Variants in MIA3 observed in about 807,000 individuals in gnomAD.
MIA3 encodes transport and Golgi organization protein 1 homolog.
In MIA3, 90 loss-of-function variants were observed where a neutral mutation model predicts 192.4. The observed-to-expected ratio is 0.47, with a 90% CI of 0.39 to 0.56. MIA3 has a LOEUF of 0.56. Ranked by LOEUF, MIA3 falls within the 20% of genes least tolerant of loss-of-function variation. MIA3 has a pLI of 0.00. For missense variants in MIA3, 2,123 were observed against 2,269.4 expected, an observed-to-expected ratio of 0.94 and a Z score of 1.31; for synonymous variants, 740 against 792.8, an observed-to-expected ratio of 0.93 and a Z score of 1.12.
intron 3 of MIA3, among the ~76,000 whole-genome samples, chr1:222,627,033 T>C (rs1662150602): frequency 6.6e-6 from 1 of 152,192 alleles, no homozygotes; most frequent in South Asian, 2.1e-4. Context: ...ACCTTACTTT[T>C]CCCCACCTGT....
At chr1:222,625,678 C>T (rs1662082893) in intron 3 of MIA3, among the ~76,000 whole-genome samples, 2 of 152,184 alleles carry the variant, frequency 1.3e-5, no homozygotes, top group South Asian at 2.1e-4. Context: ...GAGCATTTAT[C>T]TATAGTGCAC....
At chr1:222,665,238 T>C (rs1182628227) in intron 27 of MIA3, 71 bp from the exon 28 acceptor site, 2 of 946,858 alleles carry the variant, frequency 2.1e-6, no homozygotes, top group East Asian at 2.5e-5. Flanking sequence ...CAGACTATAT[T>C]AACATACCTG....
At chr1:222,649,878 C>CT (rs112877832) in intron 8 of MIA3, 2,156 of 197,724 alleles carry the variant, frequency 0.011, 59 homozygotes, top group African/African-American at 0.048. Context: ...CCTCAGGGAG[C>CT]TTTTACTCAC....
In MIA3 at chr1:222,650,820, C is replaced by A; in HGVS notation, c.3826C>A (p.Gln1276Lys). 6.2e-7 allele frequency: 1 copy of A among 1,609,114 alleles called. No individual in the cohort carries two copies. The highest frequency in any genetic ancestry group is 1.1e-5 in the South Asian group (1 of 90,064). ...KDKIKTLEKN[Q>K]EILDDTAKNL... Reference sequence around the variant, plus strand: ...TAAAATCAAGACACTTGAAAAAAATCAGGAAATTCTGGATGACACAGCTAA... The same window carrying A: ...TAAAATCAAGACACTTGAAAAAAATAAGGAAATTCTGGATGACACAGCTAA... Residue 1276 changes from glutamine to lysine, a missense_variant, in exon 11 of 28, where the codon CAG becomes AAG. This residue lies in a region of MIA3 where 762 missense variants were observed against 856.4 expected (regional missense o/e 0.89). Transcript: ENST00000344922.
chr1:222,664,493 T>TA (rs1356007715), intron 27 of MIA3, among the ~76,000 whole-genome samples: 2 of 152,128 alleles, frequency 1.3e-5, no homozygotes, highest in Non-Finnish European at 2.9e-5. Context: ...AGGTCACAAA[T>TA]ATACACATTC....
At chr1:222,665,244 A>G in intron 27 of MIA3, 65 bp from the exon 28 acceptor site, 1 of 1,099,500 alleles carries the variant, frequency 9.1e-7, no homozygotes, top group Non-Finnish European at 1.3e-6. Flanking sequence ...ATATTAACAT[A>G]CCTGGCATTA....
At chr1:222,645,874 T>A in intron 7 of MIA3, 189 bp downstream of exon 7, 1 of 524,758 alleles carries the variant, frequency 1.9e-6, no homozygotes, top group African/African-American at 2.0e-5. Context: ...ACATGTATAA[T>A]CTCAGTGGGA....
intron 18 of MIA3, among the ~76,000 whole-genome samples, chr1:222,655,400 T>C (rs1166920177): frequency 6.6e-6 from 1 of 152,194 alleles, no homozygotes; most frequent in Non-Finnish European, 1.5e-5. Flanking sequence ...ATAGTTCAAG[T>C]TTTTTGTCCA....
intron 6 of MIA3, chr1:222,641,955 AC>A (rs1289667431): frequency 5.5e-6 from 2 of 363,950 alleles, no homozygotes; most frequent in East Asian, 1.4e-4. Flanking sequence ...ATGAAATGCT[AC>A]TCAGCAATTA....
chr1:222,637,515 G>A (rs1250477909), intron 6 of MIA3, among the ~76,000 whole-genome samples: 1 of 152,034 alleles, frequency 6.6e-6, no homozygotes, highest in Non-Finnish European at 1.5e-5. Flanking sequence ...GTAAATATTT[G>A]ATTCTTTTTG....
chr1:222,661,925 T>C, intron 24 of MIA3, 131 bp from the exon 25 acceptor site: 1 of 659,764 alleles, frequency 1.5e-6, no homozygotes, highest in Non-Finnish European at 2.6e-6. Flanking sequence ...TTGTAAGTGA[T>C]TTCCCTTCAT....
intron 2 of MIA3, 115 bp downstream of exon 2, chr1:222,621,407 T>C (rs1262826832): frequency 4.8e-6 from 5 of 1,032,928 alleles, no homozygotes; most frequent in Non-Finnish European, 7.0e-6. Flanking sequence ...TTGTCCTCTC[T>C]GCCTGACTGT....
At chr1:222,623,328 C>T (rs1306873170) in intron 2 of MIA3, among the ~76,000 whole-genome samples, 3 of 149,656 alleles carry the variant, frequency 2.0e-5, no homozygotes, top group Non-Finnish European at 4.4e-5. Flanking sequence ...CACCTGTGGT[C>T]CCAACTGACA....
At chr1:222,647,524 T>C (rs2124895005) in intron 7 of MIA3, among the ~76,000 whole-genome samples, 1 of 152,356 alleles carries the variant, frequency 6.6e-6, no homozygotes, top group East Asian at 1.9e-4. Flanking sequence ...AGGGTCTTTT[T>C]TCCTGTGAGG....
intron 6 of MIA3, among the ~76,000 whole-genome samples, chr1:222,639,234 T>G (rs1002260150): frequency 1.3e-5 from 2 of 152,204 alleles, no homozygotes; most frequent in African/African-American, 4.8e-5. Context: ...TTAAGTAAAT[T>G]GGATTTACAG....
At chr1:222,638,178 T>G (rs1319093756) in intron 6 of MIA3, among the ~76,000 whole-genome samples, 1 of 152,138 alleles carries the variant, frequency 6.6e-6, no homozygotes, top group Non-Finnish European at 1.5e-5. Flanking sequence ...TTAGTGCACA[T>G]GAAGCGTTTA....
chr1:222,626,125 T>G (rs1447788312), intron 3 of MIA3, among the ~76,000 whole-genome samples: 1 of 152,228 alleles, frequency 6.6e-6, no homozygotes, highest in Non-Finnish European at 1.5e-5. Context: ...TTCAAAAGTC[T>G]TTGAGTAGCT....
chr1:222,641,626 T>C (rs1662856342), intron 6 of MIA3: 1 of 530,880 alleles, frequency 1.9e-6, no homozygotes, highest in African/African-American at 1.9e-5. Context: ...AATGAGCACA[T>C]GTTCCACATC....
Position 222,629,912 on chromosome 1 carries a change from G to A in MIA3, c.2692G>A (p.Glu898Lys), listed in dbSNP as rs771086797. 1.2e-6 allele frequency: 2 copies of A among 1,614,120 alleles called. No individual in the cohort carries two copies. Among genetic ancestry groups the A allele is most frequent in the South Asian group, 2.2e-5 (2 of 91,076 alleles). Residue 898 changes from glutamate to lysine, a missense_variant, in exon 4 of 28, where the codon GAA becomes AAA. This residue lies in a region of MIA3 where 1,357 missense variants were observed against 1,396.1 expected (regional missense o/e 0.97). Coordinates refer to ENST00000344922, the MANE Select transcript of MIA3 (RefSeq NM_198551.4). ...GTESQGSAAAEPEDDSFHWTP... is the reference protein window; with the variant it reads ...GTESQGSAAAKPEDDSFHWTP... ...AGAAAGCCAGGGGTCTGCTGCTGCA[G>A]AACCTGAAGATGACTCGTTCCACTG...
Sources: gnomAD v4.1 joint callset for allele counts (sites outside exome capture counted in the v4.1 genomes callset) on GRCh38, gnomAD v4.1.1 for gene constraint, gnomAD v4.1.1 regional missense constraint, MANE v1.5 for transcripts, NCBI Gene and HGNC (gene_info 2026-07-23, HGNC 2026-07-21) for gene names.